Variants in UBE2E2 observed in about 807,000 individuals in gnomAD.
The protein encoded by UBE2E2 is ubiquitin conjugating enzyme E2 E2.
A neutral mutation model predicts 24.7 loss-of-function variants in UBE2E2; 6 were observed. The ratio of observed to expected loss-of-function variants is 0.24; its 90% CI spans 0.13 to 0.48. UBE2E2 has a LOEUF of 0.48. UBE2E2 is among the 20% of genes least tolerant of loss of function. The pLI is 0.99. For synonymous variants in UBE2E2, 104 were observed against 83.6 expected (o/e 1.24, Z -1.33); for missense variants, 169 against 245.0 (o/e 0.69, Z 2.07).
intron 3 of UBE2E2, among the ~76,000 whole-genome samples, chr3:23,317,136 C>T (rs1196149384): frequency 6.6e-6 from 1 of 152,178 alleles, no homozygotes; most frequent in African/African-American, 2.4e-5. Flanking sequence ...TCATGTGTCC[C>T]CCCAAATGTG....
intron 3 of UBE2E2, among the ~76,000 whole-genome samples, chr3:23,328,639 A>G (rs1185972971): frequency 1.3e-5 from 2 of 150,892 alleles, no homozygotes; most frequent in East Asian, 3.9e-4. Flanking sequence ...TCATTTAGCT[A>G]AAATGCCGTA....
intron 3 of UBE2E2, among the ~76,000 whole-genome samples, chr3:23,338,211 T>C (rs1415079289): frequency 6.6e-6 from 1 of 152,192 alleles, no homozygotes; most frequent in Non-Finnish European, 1.5e-5. Flanking sequence ...TCTAACTGGC[T>C]CATTAAAAAC....
At chr3:23,436,235 A>G (rs1013793533) in intron 3 of UBE2E2, among the ~76,000 whole-genome samples, 2 of 152,118 alleles carry the variant, frequency 1.3e-5, no homozygotes, top group Admixed American at 6.5e-5. Flanking sequence ...GGCACATGAT[A>G]TTGAACCTTA....
intron 5 of UBE2E2, among the ~76,000 whole-genome samples, chr3:23,578,211 G>A (rs1696391612): frequency 6.6e-6 from 1 of 152,056 alleles, no homozygotes; most frequent in African/African-American, 2.4e-5. Flanking sequence ...TTAGAGAAAT[G>A]CAAATTAAAC....
chr3:23,352,615 A>G (rs912035953), intron 3 of UBE2E2, among the ~76,000 whole-genome samples: 1 of 152,250 alleles, frequency 6.6e-6, no homozygotes, highest in Non-Finnish European at 1.5e-5. Context: ...CCTCTACGCA[A>G]ATAAACTAGA....
intron 3 of UBE2E2, among the ~76,000 whole-genome samples, chr3:23,348,013 A>G (rs558101895): frequency 1.3e-5 from 2 of 152,318 alleles, no homozygotes; most frequent in South Asian, 4.1e-4. Context: ...TAATAAAAAA[A>G]AGAAGGGGTT....
intron 3 of UBE2E2, among the ~76,000 whole-genome samples, chr3:23,415,498 T>C (rs1458263002): frequency 6.6e-6 from 1 of 152,184 alleles, no homozygotes; most frequent in East Asian, 1.9e-4. Context: ...TAAAAAATTG[T>C]TTTTTGAACC....
intron 5 of UBE2E2, among the ~76,000 whole-genome samples, chr3:23,544,871 T>C (rs2125494551): frequency 6.6e-6 from 1 of 152,298 alleles, no homozygotes; most frequent in East Asian, 1.9e-4. Context: ...GAGAGGGGGA[T>C]GTGTCAGGGT....
chr3:23,588,410 GTTT>G (rs199679364), intron 5 of UBE2E2, among the ~76,000 whole-genome samples: 10 of 130,040 alleles, frequency 7.7e-5, no homozygotes, highest in African/African-American at 1.0e-4. Context: ...TTGTTTTTTT[GTTT>G]TTTTTTTTTT....
intron 3 of UBE2E2, among the ~76,000 whole-genome samples, chr3:23,327,798 T>G (rs1281918955): frequency 6.6e-6 from 1 of 152,212 alleles, no homozygotes; most frequent in East Asian, 1.9e-4. Context: ...CAGACAAAAC[T>G]TCTGTGCATA....
At chr3:23,530,584 A>T (rs749471871) in intron 4 of UBE2E2, among the ~76,000 whole-genome samples, 10 of 152,218 alleles carry the variant, frequency 6.6e-5, no homozygotes, top group African/African-American at 2.4e-4. Context: ...CAGTATATGT[A>T]TCTAGGATTT....
At chr3:23,284,638 G>T (rs918895357) in intron 3 of UBE2E2, among the ~76,000 whole-genome samples, 1 of 151,764 alleles carries the variant, frequency 6.6e-6, no homozygotes, top group Non-Finnish European at 1.5e-5. Context: ...TTTAATGGGG[G>T]AGTATTTGTC....
In UBE2E2 at chr3:23,437,059, A is replaced by G. The variant is rs529210900; in HGVS notation, c.228-62549A>G. On this transcript the variant is annotated intron_variant, in intron 3 of 5. Transcript: ENST00000396703. ...GACTCCTAACCCAGGCCCACAGGCC[A>G]TACGTGAGCTGGCCCCTGCCTGCTT... is the stretch of plus-strand genomic sequence containing the variant. 2.3e-4 allele frequency among the ~76,000 whole-genome samples: 35 copies of G among 152,358 alleles called. 1 individual carries two copies. In the South Asian group the frequency reaches 6.8e-3, roughly 30 times the overall value.
chr3:23,476,364 G>A (rs939341827), intron 3 of UBE2E2, among the ~76,000 whole-genome samples: 3 of 152,034 alleles, frequency 2.0e-5, no homozygotes, highest in Non-Finnish European at 2.9e-5. Context: ...TATGAAATTG[G>A]CACTAAAGCA....
chr3:23,514,277 C>T (rs974986807), intron 4 of UBE2E2, among the ~76,000 whole-genome samples: 4 of 152,196 alleles, frequency 2.6e-5, no homozygotes, highest in African/African-American at 9.7e-5. Context: ...GTTGCTGTCA[C>T]GTCAACCTGA....
chr3:23,570,101 A>G (rs537947703), intron 5 of UBE2E2, among the ~76,000 whole-genome samples: 78 of 152,256 alleles, frequency 5.1e-4, no homozygotes, highest in Non-Finnish European at 8.7e-4. Context: ...ATTTAAATCT[A>G]ATATCTTCTT....
chr3:23,356,869 CT>C (rs1695969708), intron 3 of UBE2E2, among the ~76,000 whole-genome samples: 3 of 152,182 alleles, frequency 2.0e-5, no homozygotes, highest in Admixed American at 6.5e-5. Context: ...AAACTGGTCC[CT>C]GGTGCCAAAA....
chr3:23,392,722 A>G (rs571029500), intron 3 of UBE2E2, among the ~76,000 whole-genome samples: 1 of 152,316 alleles, frequency 6.6e-6, no homozygotes, highest in Admixed American at 6.5e-5. Flanking sequence ...TCTTTTTATT[A>G]TTTTAATGTG....
At position 23,586,894 on chromosome 3, in the gene UBE2E2, T is replaced by C. The variant is rs532742937; in HGVS notation, c.509-2840T>C. On this transcript the variant is annotated intron_variant, in intron 5 of 5. Coordinates refer to ENST00000396703, the MANE Select transcript of UBE2E2 (RefSeq NM_152653.4). Reference sequence around the variant, plus strand: ...TTTTTAAAAGATTACAAAAGCAGACTATAAATTAATCCCTTTTTTTTTTTT... The same window carrying C: ...TTTTTAAAAGATTACAAAAGCAGACCATAAATTAATCCCTTTTTTTTTTTT... 6.2e-5 allele frequency among the ~76,000 whole-genome samples: 8 copies of C among 129,054 alleles called. No individual in the cohort carries two copies. The South Asian group carries it at 2.1e-3, about 34-fold the overall frequency. The allele number at this position is 129,054 out of a possible 152,430, so 84.7% of individuals were successfully genotyped here.
Sources: gnomAD v4.1 joint callset for allele counts (sites outside exome capture counted in the v4.1 genomes callset) on GRCh38, gnomAD v4.1.1 for gene constraint, MANE v1.5 for transcripts, NCBI Gene and HGNC (gene_info 2026-07-23, HGNC 2026-07-21) for gene names.